Variants in ASIC2 observed in about 807,000 individuals in gnomAD.
ASIC2 encodes acid sensing ion channel subunit 2.
A neutral mutation model predicts 57.3 loss-of-function variants in ASIC2; 25 were observed. That is an observed-to-expected ratio of 0.44 (90% CI 0.32 to 0.61). The LOEUF (loss-of-function observed/expected upper bound fraction) is 0.61, where lower values mean the gene tolerates loss of function less well. Among genes scored for constraint, ASIC2 ranks in the 20% least tolerant of loss-of-function variants. ASIC2 has a pLI of 0.06. For missense variants in ASIC2, 641 were observed against 738.1 expected, an observed-to-expected ratio of 0.87 and a Z score of 1.52; for synonymous variants, 319 against 307.5, an observed-to-expected ratio of 1.04 and a Z score of -0.39.
chr17:33,506,281 C>T (rs1344026539), intron 1 of ASIC2, among the ~76,000 whole-genome samples: 10 of 149,292 alleles, frequency 6.7e-5, no homozygotes, highest in East Asian at 3.9e-4. Context: ...GGTGTGGTGG[C>T]GGGCGCCTGT....
intron 1 of ASIC2, among the ~76,000 whole-genome samples, chr17:33,287,585 C>A (rs1218785549): frequency 2.0e-5 from 3 of 152,240 alleles, no homozygotes; most frequent in Non-Finnish European, 4.4e-5. Flanking sequence ...GCTGCTTTAT[C>A]TGACTGCTGA....
At chr17:33,881,991 C>G (rs1403532357) in intron 1 of ASIC2, among the ~76,000 whole-genome samples, 1 of 152,096 alleles carries the variant, frequency 6.6e-6, no homozygotes, top group Non-Finnish European at 1.5e-5. Flanking sequence ...ACAAACCTGA[C>G]AAAAACAAGA....
chr17:33,843,901 C>T (rs541850331), intron 1 of ASIC2, among the ~76,000 whole-genome samples: 4 of 152,214 alleles, frequency 2.6e-5, no homozygotes, highest in Admixed American at 2.6e-4. Flanking sequence ...TATAATTGTA[C>T]AACCAACCAT....
intron 1 of ASIC2, among the ~76,000 whole-genome samples, chr17:33,383,721 A>G (rs1448452733): frequency 1.3e-5 from 2 of 152,216 alleles, no homozygotes; most frequent in African/African-American, 4.8e-5. Context: ...AGACAAATAC[A>G]ATGAGCTTTT....
At chr17:33,421,981 C>T (rs1011460731) in intron 1 of ASIC2, among the ~76,000 whole-genome samples, 4 of 152,174 alleles carry the variant, frequency 2.6e-5, no homozygotes, top group South Asian at 2.1e-4. Context: ...GGACAGACCT[C>T]GACTTGGAAT....
intron 1 of ASIC2, among the ~76,000 whole-genome samples, chr17:34,103,773 G>A (rs762724268): frequency 2.8e-4 from 42 of 151,960 alleles, no homozygotes; most frequent in Non-Finnish European, 4.3e-4. Context: ...ATAAACATGT[G>A]TATCTATTTA....
chr17:33,587,315 A>G (rs1054589441), intron 1 of ASIC2, among the ~76,000 whole-genome samples: 42 of 152,196 alleles, frequency 2.8e-4, no homozygotes, highest in African/African-American at 9.7e-4. Context: ...TTAGCGTTTC[A>G]CTTAATGAGA....
At chr17:34,118,019 C>CA (rs1443857000) in intron 1 of ASIC2, among the ~76,000 whole-genome samples, 1 of 152,168 alleles carries the variant, frequency 6.6e-6, no homozygotes, top group Non-Finnish European at 1.5e-5. Flanking sequence ...TGTAAGGCTT[C>CA]AAGGCTCTTC....
At chr17:34,029,375 C>CAAAAAAAA (rs60189628) in intron 1 of ASIC2, among the ~76,000 whole-genome samples, 2 of 110,436 alleles carry the variant, frequency 1.8e-5, no homozygotes, top group African/African-American at 2.9e-5. Context: ...GTGCTAAAAC[C>CAAAAAAAA]AAAAAAAAAA....
chr17:33,255,028 C>CTTTTTTTTTTT (rs1173076413), intron 1 of ASIC2, among the ~76,000 whole-genome samples: 2 of 73,986 alleles, frequency 2.7e-5, no homozygotes, highest in Non-Finnish European at 4.7e-5. Context: ...AGAAAGAAAT[C>CTTTTTTTTTTT]TTTTTTTTTT....
intron 1 of ASIC2, among the ~76,000 whole-genome samples, chr17:33,442,515 T>C (rs1911860697): frequency 6.6e-6 from 1 of 152,232 alleles, no homozygotes; most frequent in Admixed American, 6.5e-5. Flanking sequence ...TTTACTCTTT[T>C]TGATGACATC....
rs562340479 is a variant in ASIC2 at position 33,821,724 on chromosome 17, T to C, written c.555+334254A>G. ...TGAAACAGATTCATCAGCAAACTCA[T>C]TTCCTTCTCAGGATTTTCGGTAACT... On this transcript the variant is annotated intron_variant, in intron 1 of 9. Transcript: ENST00000359872. Among the ~76,000 whole-genome samples the C allele has an allele frequency of 3.9e-5, 6 of 152,352 alleles. No individual in the cohort carries two copies. In the East Asian group the frequency reaches 1.2e-3, roughly 29 times the overall value.
intron 1 of ASIC2, among the ~76,000 whole-genome samples, chr17:34,012,290 C>G (rs528812064): frequency 2.0e-5 from 3 of 152,312 alleles, no homozygotes; most frequent in South Asian, 2.1e-4. Context: ...CACATTTAGA[C>G]AGTAGCTACC....
At chr17:33,515,834 G>A (rs1334402297) in intron 1 of ASIC2, among the ~76,000 whole-genome samples, 5 of 152,180 alleles carry the variant, frequency 3.3e-5, no homozygotes, top group Non-Finnish European at 7.3e-5. Flanking sequence ...GGTGGCTCAC[G>A]CCTGTAATCC....
At chr17:33,272,881 G>C (rs1428506331) in intron 1 of ASIC2, among the ~76,000 whole-genome samples, 4 of 152,184 alleles carry the variant, frequency 2.6e-5, no homozygotes, top group African/African-American at 9.7e-5. Context: ...CCTGGGAGGA[G>C]AGACACTTGC....
intron 1 of ASIC2, chr17:34,004,469 G>C (rs1906456952): frequency 6.6e-6 from 1 of 152,224 alleles, no homozygotes; most frequent in Admixed American, 6.5e-5. Context: ...ATTTGCTTCA[G>C]GCAAGCCACT....
intron 1 of ASIC2, among the ~76,000 whole-genome samples, chr17:33,440,795 T>C (rs1242970112): frequency 6.6e-6 from 1 of 152,236 alleles, no homozygotes; most frequent in Non-Finnish European, 1.5e-5. Context: ...CTTTTACTCA[T>C]TTAAAAAAGT....
At chr17:33,560,681 T>A (rs1916045900) in intron 1 of ASIC2, among the ~76,000 whole-genome samples, 1 of 152,210 alleles carries the variant, frequency 6.6e-6, no homozygotes, top group Non-Finnish European at 1.5e-5. Context: ...GCAACGAATG[T>A]GACCATGGAG....
intron 1 of ASIC2, among the ~76,000 whole-genome samples, chr17:33,868,090 C>T (rs1211174263): frequency 6.6e-6 from 1 of 152,032 alleles, no homozygotes; most frequent in Non-Finnish European, 1.5e-5. Context: ...TCTCTCTGAG[C>T]ATTAGAAATC....
Sources: gnomAD v4.1 joint callset for allele counts (sites outside exome capture counted in the v4.1 genomes callset) on GRCh38, gnomAD v4.1.1 for gene constraint, MANE v1.5 for transcripts, NCBI Gene and HGNC (gene_info 2026-07-23, HGNC 2026-07-21) for gene names.